The following SPTBN4 variants were observed in gnomAD, a reference collection of about 807,000 sequenced individuals.
SPTBN4 encodes spectrin beta, non-erythrocytic 4, also known as spectrin beta chain, non-erythrocytic 4.
In SPTBN4, 96 loss-of-function variants were observed where a neutral mutation model predicts 277.8. The ratio of observed to expected loss-of-function variants is 0.35; its 90% confidence interval spans 0.29 to 0.41. SPTBN4 has a LOEUF of 0.41. Ranked by LOEUF, SPTBN4 falls within the 10% of genes least tolerant of loss-of-function variation. The probability of loss-of-function intolerance (pLI) is 1.00; values close to 1 mark genes in which losing one functional copy is unlikely to be tolerated. For synonymous variants in SPTBN4, 1,481 were observed against 1,580.3 expected (o/e 0.94, Z 1.49); for missense variants, 3,006 against 3,595.7 (o/e 0.84, Z 4.19).
intron 20 of SPTBN4, among the ~76,000 whole-genome samples, chr19:40,543,086 A>T (rs2080819657): frequency 6.6e-6 from 1 of 151,764 alleles, no homozygotes; most frequent in South Asian, 2.1e-4. Context: ...TGCCCGGCCT[A>T]CCTCCTCCCA....
At chr19:40,494,852 T>A in intron 5 of SPTBN4, 45 bp from the exon 6 acceptor site, 2 of 1,579,498 alleles carry the variant, frequency 1.3e-6, no homozygotes, top group Non-Finnish European at 1.7e-6. Flanking sequence ...TCTTCCCTCC[T>A]AACTCTCCCC....
intron 34 of SPTBN4, 36 bp downstream of exon 34, chr19:40,572,228 G>A (rs1311711091): frequency 1.9e-6 from 3 of 1,596,920 alleles, no homozygotes; most frequent in Non-Finnish European, 1.7e-6. Context: ...AGGGATCCAA[G>A]GCTCAGCTTC....
chr19:40,500,368 T>C (rs1427102082), intron 7 of SPTBN4, among the ~76,000 whole-genome samples: 1 of 152,226 alleles, frequency 6.6e-6, no homozygotes, highest in African/African-American at 2.4e-5. Context: ...TCTAAGGACA[T>C]GCAGTGAGTA....
rs775173875 is a variant in SPTBN4, at chr19:40,513,267, C to T, written c.2478C>T (p.Arg826=). 3.3e-5 allele frequency: 50 copies of T among 1,529,862 alleles called. No individual in the cohort carries two copies. Among genetic ancestry groups the T allele is most frequent in the Non-Finnish European group, 4.2e-5 (48 of 1,143,882 alleles). 94.8% of individuals were successfully genotyped at this position (1,529,862 alleles called of 1,614,324 possible). ...RALTGEVEAH[R]GPVSGLRRQL... ...TCACCGGGGAGGTGGAGGCACATCG[C>T]GGGCCCGTGAGCGGCCTGCGGCGCC... The change falls in exon 14 of 36, where the codon CGC becomes CGT. Residue 826 remains arginine (R), a synonymous_variant. Coordinates refer to ENST00000598249, the MANE Select transcript of SPTBN4 (RefSeq NM_020971.3).
chr19:40,522,348 ATTTTTTTTT>A (rs567161952), intron 16 of SPTBN4, among the ~76,000 whole-genome samples: 1 of 117,696 alleles, frequency 8.5e-6, no homozygotes, highest in Non-Finnish European at 1.8e-5. Context: ...ATAGTAACCA[ATTTTTTTTT>A]TTTTTTTTTT....
At position 40,506,350 on chromosome 19, in the gene SPTBN4, C is replaced by G; in HGVS notation, c.1780C>G (p.Leu594Val). 6.2e-7 allele frequency: 1 copy of G among 1,613,868 alleles called. No individual in the cohort carries two copies. ...CGCCCAGAGCGAGCGGGTGGAGGCT[C>G]TCAATGCCGCTGCCCTGCGCTTCTC... ...IAAQSERVEALNAAALRFSQL... is the reference protein window; with the variant it reads ...IAAQSERVEAVNAAALRFSQL... The change falls in exon 13 of 36, where the codon CTC (leucine) becomes GTC (valine). Residue 594 changes from leucine (L) to valine (V), a missense_variant. Around this residue, in one of 5 missense-constraint regions of SPTBN4, gnomAD observed 1,759 missense variants for 2,061.5 expected, o/e 0.85. Transcript: ENST00000598249.
chr19:40,467,219 G>T lies in SPTBN4; in HGVS notation c.-102G>T, dbSNP rs1265356551. ...AGCTGAGCCGGGCTGGGCCGGGCCG[G>T]GCCGGGCCGGGCAGCGGACGCCGAC... On this transcript the variant is annotated 5_prime_UTR_variant, in exon 1 of 36. Coordinates refer to ENST00000598249, the MANE Select transcript of SPTBN4 (RefSeq NM_020971.3). 1 of 150,676 alleles carries T rather than the reference G, an allele frequency of 6.6e-6. No individual in the cohort carries two copies. Among genetic ancestry groups the T allele is most frequent in the Non-Finnish European group, 1.5e-5 (1 of 67,286 alleles). 9.3% of individuals were successfully genotyped at this position (150,676 alleles called of 1,614,324 possible).
chr19:40,522,148 C>T (rs969141311), intron 16 of SPTBN4, among the ~76,000 whole-genome samples: 6 of 151,914 alleles, frequency 3.9e-5, no homozygotes, highest in Non-Finnish European at 8.8e-5. Flanking sequence ...CACGTCAGCC[C>T]TCCAAGTAGC....
Position 40,491,713 on chromosome 19 carries a change from C to CAAAAAAAAAAAA in SPTBN4, c.496-1236_496-1225dup, listed in dbSNP as rs35237688. On this transcript the variant is annotated intron_variant, in intron 4 of 35. Coordinates refer to ENST00000598249, the MANE Select transcript of SPTBN4 (RefSeq NM_020971.3). ...TGGGTAATAGATAGAGACTCTGTCT[C>CAAAAAAAAAAAA]AAAAAAAAAAAAAAAAAAAAAAAAA... Among the ~76,000 whole-genome samples the CAAAAAAAAAAAA allele has an allele frequency of 7.2e-3, 281 of 38,800 alleles. 56 individuals carry two copies. Among genetic ancestry groups the CAAAAAAAAAAAA allele is most frequent in the African/African-American group, 0.03 (229 of 7,630 alleles). The allele number at this position is 38,800 out of a possible 152,430, so 25.5% of individuals were successfully genotyped here. A position where few individuals can be genotyped will look rare whatever the true frequency, so the allele number is the denominator to read the frequency against.
At chr19:40,501,231 T>C (rs1187484927) in intron 7 of SPTBN4, among the ~76,000 whole-genome samples, 1 of 147,916 alleles carries the variant, frequency 6.8e-6, no homozygotes, top group Non-Finnish European at 1.5e-5. Flanking sequence ...AGAGCCAGAC[T>C]CCATCTCTTG....
At chr19:40,473,984 AT>A (rs773542281) in intron 2 of SPTBN4, among the ~76,000 whole-genome samples, 15 of 146,672 alleles carry the variant, frequency 1.0e-4, no homozygotes, top group Non-Finnish European at 1.1e-4. Context: ...TCTACTAAAA[AT>A]AAAAATAAAA....
chr19:40,474,305 A>G (rs1423571897), intron 2 of SPTBN4, among the ~76,000 whole-genome samples: 1 of 148,258 alleles, frequency 6.7e-6, no homozygotes, highest in Non-Finnish European at 1.5e-5. Flanking sequence ...TGATAATACT[A>G]AACCTTTGGA....
At chr19:40,480,630 T>C (rs960568698) in intron 2 of SPTBN4, among the ~76,000 whole-genome samples, 3 of 152,208 alleles carry the variant, frequency 2.0e-5, no homozygotes, top group Admixed American at 1.3e-4. Flanking sequence ...TGTGGGAGAT[T>C]CATCCATGTC....
intron 26 of SPTBN4, among the ~76,000 whole-genome samples, chr19:40,559,350 A>C (rs1342256189): frequency 6.6e-6 from 1 of 152,192 alleles, no homozygotes; most frequent in Non-Finnish European, 1.5e-5. Flanking sequence ...AGATTGAACC[A>C]ACAGAGTGAG....
Position 40,513,111 on chromosome 19 carries a change from G to T in SPTBN4, c.2322G>T (p.Ala774=). ...RRERRLQEAR[A]LHQFGADLDG... ...AGCGGCGGCTGCAGGAGGCGCGGGC[G>T]CTGCACCAGTTCGGCGCTGACCTCG... is the stretch of plus-strand genomic sequence containing the variant. The change falls in exon 14 of 36, where the codon GCG becomes GCT. Residue 774 remains alanine, a synonymous_variant. Coordinates refer to ENST00000598249, the MANE Select transcript of SPTBN4 (RefSeq NM_020971.3). 2 of 1,458,558 alleles carry T rather than the reference G, an allele frequency of 1.4e-6. No homozygotes were observed. The highest frequency in any genetic ancestry group is 1.3e-5 in the South Asian group (1 of 75,592). 90.4% of individuals were successfully genotyped at this position (1,458,558 alleles called of 1,614,324 possible).
chr19:40,513,541 G>A lies in SPTBN4; in HGVS notation c.2752G>A (p.Val918Met), dbSNP rs1354844904. The change falls in exon 14 of 36, where the codon GTG (valine) becomes ATG (methionine). Residue 918 changes from valine to methionine, a missense_variant. By Grantham distance (21) the Val-to-Met change is conservative (BLOSUM62 1). Transcript: ENST00000598249. ...RVPDSLDDVE[V>M]VQHRFESLDQ... ...GCCGGATTCACTCGACGACGTCGAG[G>A]TGGTGCAGCACCGGTGAGCGCGCAC... is the stretch of plus-strand genomic sequence containing the variant. 1.3e-6 allele frequency: 2 copies of A among 1,580,404 alleles called. No homozygotes were observed. The highest frequency in any genetic ancestry group is 2.3e-5 in the East Asian group (1 of 43,704).
In SPTBN4 at chr19:40,495,375, G is replaced by A. The variant is rs1373174669; in HGVS notation, c.668+398G>A. 2.0e-5 allele frequency among the ~76,000 whole-genome samples: 3 copies of A among 152,182 alleles called. No individual in the cohort carries two copies. The East Asian group carries it at 5.8e-4, about 29-fold the overall frequency. On this transcript the variant is annotated intron_variant, in intron 6 of 35. Coordinates refer to ENST00000598249, the MANE Select transcript of SPTBN4 (RefSeq NM_020971.3). ...ATGCTTTCTCAGGCCAGGCGCAGTG[G>A]CTCACACTTGTAATCCCTGCACTTT...
intron 6 of SPTBN4, among the ~76,000 whole-genome samples, chr19:40,496,557 T>A (rs1164152144): frequency 1.3e-5 from 2 of 152,088 alleles, no homozygotes; most frequent in African/African-American, 4.8e-5. Context: ...GTGCTGGGAT[T>A]ACAGGGATGA....
At chr19:40,528,471 TGTCTGTC>T (rs2080621250) in intron 17 of SPTBN4, among the ~76,000 whole-genome samples, 1 of 151,802 alleles carries the variant, frequency 6.6e-6, no homozygotes, top group Non-Finnish European at 1.5e-5. Flanking sequence ...CCCCCTGGTC[TGTCTGTC>T]GTCTGTGGGG....
Sources: gnomAD v4.1 joint callset for allele counts (sites outside exome capture counted in the v4.1 genomes callset) on GRCh38, gnomAD v4.1.1 for gene constraint, gnomAD v4.1.1 regional missense constraint, MANE v1.5 for transcripts, NCBI Gene and HGNC (gene_info 2026-07-23, HGNC 2026-07-21) for gene names.